The following SCARB1 variants were observed in gnomAD, a reference collection of about 807,000 sequenced individuals.
SCARB1 encodes CD36 and LIMPII analogous 1.
In SCARB1, 30 loss-of-function variants were observed where a neutral mutation model predicts 57.2. That is an observed-to-expected ratio of 0.52 (90% CI 0.39 to 0.71). SCARB1 has a LOEUF of 0.71. Ranked by LOEUF, SCARB1 falls within the 30% of genes least tolerant of loss-of-function variation. The pLI, the probability that SCARB1 is intolerant of heterozygous loss-of-function variation, is 0.00. For synonymous variants in SCARB1, 249 were observed against 268.3 expected, an observed-to-expected ratio of 0.93 and a Z score of 0.70; for missense variants, 543 against 671.2, an observed-to-expected ratio of 0.81 and a Z score of 2.11.
At chr12:124,783,848 C>A (rs976175694) in intron 11 of SCARB1, 34 of 152,164 alleles carry the variant, frequency 2.2e-4, no homozygotes, top group Non-Finnish European at 1.0e-4. Flanking sequence ...TACATCAAAA[C>A]ACACATAATG....
intron 1 of SCARB1, among the ~76,000 whole-genome samples, chr12:124,833,851 G>A (rs1180530454): frequency 2.0e-5 from 3 of 152,232 alleles, no homozygotes; most frequent in African/African-American, 7.2e-5. Context: ...CTGTGTTTTG[G>A]CCTGAGCTGT....
rs547640035 is a variant in SCARB1, at chr12:124,795,113, C to T, written c.1202+82G>A. Reference sequence around the variant, plus strand: ...CCATGCCCTGGTTCCTGGGGTATGTCACTGGAGTCTGGGACCACTGGAGCA... The same window carrying T: ...CCATGCCCTGGTTCCTGGGGTATGTTACTGGAGTCTGGGACCACTGGAGCA... On this transcript the variant is annotated intron_variant, in intron 9 of 12. Coordinates refer to ENST00000261693, the MANE Select transcript of SCARB1 (RefSeq NM_005505.5). 4 of 1,174,232 alleles carry T rather than the reference C, an allele frequency of 3.4e-6. No individual in the cohort carries two copies. The African/African-American group carries it at 6.0e-5, about 18-fold the overall frequency. The allele number at this position is 1,174,232 out of a possible 1,614,324, so 72.7% of individuals were successfully genotyped here. A position where few individuals can be genotyped will look rare whatever the true frequency, so the allele number is the denominator to read the frequency against.
intron 11 of SCARB1, chr12:124,783,913 T>G (rs1468664802): frequency 6.6e-6 from 1 of 152,240 alleles, no homozygotes; most frequent in Non-Finnish European, 1.5e-5. Context: ...GGAGCCACAC[T>G]GCCGATCGTA....
At chr12:124,808,891 G>A (rs560657092) in intron 6 of SCARB1, among the ~76,000 whole-genome samples, 42 of 151,502 alleles carry the variant, frequency 2.8e-4, no homozygotes, top group African/African-American at 1.0e-3. Flanking sequence ...TTTGATATAT[G>A]AGGTCAAATA....
At chr12:124,805,836 T>C (rs1482524032) in intron 7 of SCARB1, among the ~76,000 whole-genome samples, 1 of 145,652 alleles carries the variant, frequency 6.9e-6, no homozygotes, top group South Asian at 2.2e-4. Flanking sequence ...TCCTACAGGG[T>C]TGTGATTACA....
At chr12:124,806,948 C>T (rs1950344907) in intron 7 of SCARB1, among the ~76,000 whole-genome samples, 1 of 151,848 alleles carries the variant, frequency 6.6e-6, no homozygotes, top group Non-Finnish European at 1.5e-5. Context: ...CCTATAATCC[C>T]AGCACTTTGG....
chr12:124,816,603 G>A (rs1950725668), intron 2 of SCARB1, among the ~76,000 whole-genome samples: 1 of 152,102 alleles, frequency 6.6e-6, no homozygotes, highest in South Asian at 2.1e-4. Context: ...AACACCCTCT[G>A]CCCGCCCCAT....
intron 9 of SCARB1, among the ~76,000 whole-genome samples, chr12:124,792,068 C>T (rs1029905628): frequency 2.6e-5 from 4 of 151,976 alleles, no homozygotes; most frequent in African/African-American, 9.7e-5. Flanking sequence ...CTACAGAGGA[C>T]GAAACACGAT....
At chr12:124,838,775 CTT>C (rs1174317110) in intron 1 of SCARB1, among the ~76,000 whole-genome samples, 3,346 of 117,214 alleles carry the variant, frequency 0.029, 98 homozygotes, top group African/African-American at 0.096. Flanking sequence ...CCAACTTAGC[CTT>C]TTTTTTTTTT....
intron 1 of SCARB1, among the ~76,000 whole-genome samples, chr12:124,847,513 C>T (rs539814118): frequency 6.6e-6 from 1 of 152,342 alleles, no homozygotes; most frequent in East Asian, 1.9e-4. Context: ...TCCAGCCTCC[C>T]GTTTCCACCC....
Position 124,780,960 on chromosome 12 carries a change from C to T in SCARB1, c.*1723G>A, listed in dbSNP as rs747351873. Among the ~76,000 whole-genome samples the T allele has an allele frequency of 4.6e-5, 7 of 152,324 alleles. No homozygotes were observed. In the South Asian group the frequency reaches 1.0e-3, roughly 23 times the overall value. ...AGCAGGCACACCGATGGGGCCAAAC[C>T]GTGCACAGCACTACGGTGTCCTGGA... On this transcript the variant is annotated intron_variant, in intron 12 of 12. Coordinates refer to ENST00000261693, the MANE Select transcript of SCARB1 (RefSeq NM_005505.5).
intron 1 of SCARB1, among the ~76,000 whole-genome samples, chr12:124,818,709 G>A (rs1001123632): frequency 3.9e-5 from 4 of 101,462 alleles, no homozygotes; most frequent in Admixed American, 1.0e-4. Flanking sequence ...GCAGTGGCGC[G>A]ATCTCGGCTC....
rs764811795 is a variant in SCARB1 at position 124,807,073 on chromosome 12, C to A, written c.1009+688G>T. ...AAAATTAGCCAGGTGTGGTGGTGCA[C>A]GCCTGTGGTCCCAACTACTCGGGAG... On this transcript the variant is annotated intron_variant, in intron 7 of 12. Coordinates refer to ENST00000261693, the MANE Select transcript of SCARB1 (RefSeq NM_005505.5). This position sits in a 1 kb window ranked among gnomAD's most constrained non-coding sequence, Gnocchi z 5.3. Among the ~76,000 whole-genome samples the A allele has an allele frequency of 2.6e-5, 4 of 152,048 alleles. No individual in the cohort carries two copies. The highest frequency in any genetic ancestry group is 5.9e-5 in the Non-Finnish European group (4 of 68,014).
At chr12:124,818,541 ACTGCAACCT>A (rs1370330341) in intron 1 of SCARB1, among the ~76,000 whole-genome samples, 2 of 152,158 alleles carry the variant, frequency 1.3e-5, no homozygotes, top group East Asian at 3.8e-4. Context: ...ATCTTGGCTA[ACTGCAACCT>A]CTGCTTCTGT....
chr12:124,814,114 A>C lies in SCARB1; in HGVS notation c.630+88T>G. ...GCCACTAGATCCCCAGCCAGCTACA[A>C]AGCAAGCTGGTGACCAGTGTCCAGG... On this transcript the variant is annotated intron_variant, in intron 4 of 12. Coordinates refer to ENST00000261693, the MANE Select transcript of SCARB1 (RefSeq NM_005505.5). This position sits in a 1 kb window ranked among gnomAD's most constrained non-coding sequence, Gnocchi z 4.7. 1 of 1,274,828 alleles carries C rather than the reference A, an allele frequency of 7.8e-7. No homozygotes were observed. Among genetic ancestry groups the C allele is most frequent in the Non-Finnish European group, 1.1e-6 (1 of 872,092 alleles). The allele number at this position is 1,274,828 out of a possible 1,614,324, so 79.0% of individuals were successfully genotyped here. A position where few individuals can be genotyped will look rare whatever the true frequency, so the allele number is the denominator to read the frequency against.
At position 124,830,679 on chromosome 12, in the gene SCARB1, G is replaced by A. The variant is rs189634099; in HGVS notation, c.127-12972C>T. On this transcript the variant is annotated intron_variant, in intron 1 of 12. Coordinates refer to ENST00000261693, the MANE Select transcript of SCARB1 (RefSeq NM_005505.5). ...TGACAGGGAGGGGTGCGGGGGAGGC[G>A]TTTACACTTGGTATAGGGGGTCATT... Among the ~76,000 whole-genome samples, 13 of 152,082 alleles carry A rather than the reference G, an allele frequency of 8.5e-5. No homozygotes were observed. The South Asian group carries it at 1.0e-3, about 12-fold the overall frequency.
chr12:124,829,928 G>T (rs1407422025), intron 1 of SCARB1, among the ~76,000 whole-genome samples: 1 of 152,202 alleles, frequency 6.6e-6, no homozygotes, highest in Non-Finnish European at 1.5e-5. Flanking sequence ...CTATGTAGTT[G>T]TTGATAAGTC....
At chr12:124,785,746 T>C (rs1949488916) in intron 11 of SCARB1, 2 of 332,104 alleles carry the variant, frequency 6.0e-6, no homozygotes, top group Non-Finnish European at 5.5e-6. Flanking sequence ...GAAGTGATAA[T>C]ACTTTGCATA....
At position 124,814,064 on chromosome 12, in the gene SCARB1, G is replaced by C; in HGVS notation, c.630+138C>G. The C allele has an allele frequency of 1.2e-6, 1 of 823,262 alleles. No individual in the cohort carries two copies. Among genetic ancestry groups the C allele is most frequent in the Non-Finnish European group, 2.1e-6 (1 of 469,820 alleles). 51.0% of individuals were successfully genotyped at this position (823,262 alleles called of 1,614,324 possible). ...ATTTCACTCAAGCCGGTTTGAGTCA[G>C]GTTCTCAGTCACTTACAACCCACAG... On this transcript the variant is annotated intron_variant, in intron 4 of 12. Transcript: ENST00000261693. The surrounding 1 kb of genome is among the most constrained non-coding windows in gnomAD (Gnocchi z 4.7).
Sources: gnomAD v4.1 joint callset for allele counts (sites outside exome capture counted in the v4.1 genomes callset) on GRCh38, gnomAD v4.1.1 for gene constraint, Gnocchi (gnomAD v3.1) non-coding constraint, MANE v1.5 for transcripts, NCBI Gene and HGNC (gene_info 2026-07-23, HGNC 2026-07-21) for gene names.